Variants in CCDC192 observed in about 807,000 individuals in gnomAD.
The protein encoded by CCDC192 is coiled-coil domain containing 192, also known as coiled-coil domain-containing protein 192.
In CCDC192 at chr5:127,821,437, G is replaced by T. The variant is rs531238260; in HGVS notation, c.411+23275G>T. 3.9e-5 allele frequency among the ~76,000 whole-genome samples: 6 copies of T among 152,312 alleles called. No individual in the cohort carries two copies. The East Asian group carries it at 1.2e-3, about 29-fold the overall frequency. ...ATCCAAAAAGTCATCCCAGACCTCT[G>T]CCTTGATCCAAAGTTGACAAGAGAC... On this transcript the variant is annotated intron_variant, in intron 5 of 6. Coordinates refer to ENST00000514853, the MANE Select transcript of CCDC192 (RefSeq NM_001317938.2).
At chr5:127,707,406 C>CT (rs11389024) in intron 1 of CCDC192, among the ~76,000 whole-genome samples, 99,347 of 147,214 alleles carry the variant, frequency 0.67, 33,371 homozygotes, top group African/African-American at 0.74. Flanking sequence ...CCTCTCCCCA[C>CT]TTTTTTTTTT....
chr5:127,721,215 T>TGCTC (rs1752003737), intron 2 of CCDC192, among the ~76,000 whole-genome samples: 1 of 152,240 alleles, frequency 6.6e-6, no homozygotes, highest in Admixed American at 6.5e-5. Context: ...ACCATTTCTT[T>TGCTC]GCTCATGCAT....
Position 127,875,579 on chromosome 5 carries a change from T to C in CCDC192, c.453T>C (p.Asp151=). 2 of 398,752 alleles carry C rather than the reference T, an allele frequency of 5.0e-6. No individual in the cohort carries two copies. The highest frequency in any genetic ancestry group is 3.6e-5 in the East Asian group (1 of 28,064). 24.7% of individuals were successfully genotyped at this position (398,752 alleles called of 1,614,324 possible). A position where few individuals can be genotyped will look rare whatever the true frequency, so the allele number is the denominator to read the frequency against. Residue 151 remains aspartate, a synonymous_variant, in exon 6 of 7, where the codon GAT becomes GAC. Coordinates refer to ENST00000514853, the MANE Select transcript of CCDC192 (RefSeq NM_001317938.2). ...HEKKVKKLQT[D]LATANAITVL... ...AGAAAGTGAAAAAACTACAGACTGA[T>C]TTGGCAACAGCTAATGCCATCACAG...
At chr5:127,934,550 A>G (rs1335466496) in intron 6 of CCDC192, among the ~76,000 whole-genome samples, 2 of 152,176 alleles carry the variant, frequency 1.3e-5, no homozygotes, top group Non-Finnish European at 2.9e-5. Flanking sequence ...GGCACTATAG[A>G]TTGGTCTCTT....
intron 6 of CCDC192, among the ~76,000 whole-genome samples, chr5:127,937,519 C>T (rs923124173): frequency 1.3e-5 from 2 of 152,150 alleles, no homozygotes; most frequent in Non-Finnish European, 2.9e-5. Flanking sequence ...TAAAGGTGGC[C>T]AGGAAGAGAG....
chr5:127,828,585 T>C (rs1200282250), intron 5 of CCDC192, among the ~76,000 whole-genome samples: 1 of 152,186 alleles, frequency 6.6e-6, no homozygotes, highest in Non-Finnish European at 1.5e-5. Context: ...GAGGACATCA[T>C]TAAATTAACA....
chr5:127,856,151 A>T (rs1300086156), intron 5 of CCDC192, among the ~76,000 whole-genome samples: 3 of 152,232 alleles, frequency 2.0e-5, no homozygotes, highest in East Asian at 3.8e-4. Context: ...TGTTTAGTGT[A>T]GCCACTTTAA....
chr5:127,731,679 C>T (rs1400382196), intron 2 of CCDC192, among the ~76,000 whole-genome samples: 3 of 152,002 alleles, frequency 2.0e-5, no homozygotes, highest in African/African-American at 4.8e-5. Context: ...CATAGACCAA[C>T]GGAACAGAAT....
intron 3 of CCDC192, among the ~76,000 whole-genome samples, chr5:127,794,099 A>C (rs1027646367): frequency 1.3e-5 from 2 of 151,928 alleles, no homozygotes; most frequent in Non-Finnish European, 2.9e-5. Flanking sequence ...TCTCCAAATC[A>C]CTCTCCAATT....
chr5:127,830,785 T>C (rs1039040281), intron 5 of CCDC192, among the ~76,000 whole-genome samples: 1 of 149,702 alleles, frequency 6.7e-6, no homozygotes, highest in African/African-American at 2.4e-5. Flanking sequence ...AACAGGAAAG[T>C]TTCCTTCTAC....
rs574723369 is a variant in CCDC192, at chr5:127,764,822, G to GC, written c.222+10449dup. Among the ~76,000 whole-genome samples the GC allele has an allele frequency of 2.5e-3, 382 of 152,256 alleles. 4 individuals are homozygous for GC. Among genetic ancestry groups the GC allele is most frequent in the African/African-American group, 8.8e-3 (365 of 41,552 alleles). ...TGGGCCACATTCCATGCCATCCTGG[G>GC]CCACATGTGGCCCACGGGCTGCAGG... On this transcript the variant is annotated intron_variant, in intron 3 of 6. Transcript: ENST00000514853.
intron 3 of CCDC192, among the ~76,000 whole-genome samples, chr5:127,781,110 T>C (rs1425782422): frequency 6.6e-6 from 1 of 152,238 alleles, no homozygotes; most frequent in Non-Finnish European, 1.5e-5. Context: ...TTTATGTTTT[T>C]GTTTGCTTTG....
At chr5:127,856,593 T>C (rs796547146) in intron 5 of CCDC192, among the ~76,000 whole-genome samples, 2 of 152,222 alleles carry the variant, frequency 1.3e-5, no homozygotes, top group African/African-American at 4.8e-5. Flanking sequence ...CAACATGCCT[T>C]CCTCACTAAG....
intron 2 of CCDC192, among the ~76,000 whole-genome samples, chr5:127,737,063 A>G (rs1027067601): frequency 1.3e-5 from 2 of 150,998 alleles, no homozygotes; most frequent in African/African-American, 4.9e-5. Flanking sequence ...TCTTGTGGGC[A>G]TTTACTGCTA....
intron 2 of CCDC192, among the ~76,000 whole-genome samples, chr5:127,729,641 G>C (rs1470014232): frequency 1.3e-5 from 2 of 152,140 alleles, no homozygotes; most frequent in East Asian, 3.9e-4. Context: ...CTCAGCAAAT[G>C]AAAACGAACT....
intron 2 of CCDC192, among the ~76,000 whole-genome samples, chr5:127,717,928 C>CAAAAAAAAAAAAAAAAAAAGAAAAAAA: frequency 1.0e-5 from 1 of 98,064 alleles, no homozygotes; most frequent in Non-Finnish European, 2.0e-5. Flanking sequence ...TAAAGCTAGA[C>CAAAAAAAAAAAAAAAAAAAGAAAAAAA]AAAAAAAAAA....
chr5:127,891,994 C>A (rs527718741), intron 6 of CCDC192, among the ~76,000 whole-genome samples: 1 of 152,154 alleles, frequency 6.6e-6, no homozygotes, highest in Admixed American at 6.5e-5. Context: ...GTACTGCTGC[C>A]TTGCATAAAG....
intron 2 of CCDC192, among the ~76,000 whole-genome samples, chr5:127,725,116 A>G (rs1266065953): frequency 6.6e-6 from 1 of 152,222 alleles, no homozygotes; most frequent in African/African-American, 2.4e-5. Flanking sequence ...ATAAAAGATA[A>G]AAGAATATTG....
rs542086091 is a variant in CCDC192 at position 127,937,292 on chromosome 5, C to T, written c.536-3890C>T. ...ACTCTACCCCTTTTCTGACTGTCCT[C>T]TTCTTGTGCTATGGACTGAATTATG... On this transcript the variant is annotated intron_variant, in intron 6 of 6. Coordinates refer to ENST00000514853, the MANE Select transcript of CCDC192 (RefSeq NM_001317938.2). Among the ~76,000 whole-genome samples, 8 of 150,846 alleles carry T rather than the reference C, an allele frequency of 5.3e-5. No homozygotes were observed. The South Asian group carries it at 1.7e-3, about 31-fold the overall frequency.
Sources: allele counts gnomAD v4.1 joint callset (sites outside exome capture counted in the v4.1 genomes callset), GRCh38; gene constraint gnomAD v4.1.1; transcripts MANE v1.5; gene names NCBI Gene and HGNC (gene_info 2026-07-23, HGNC 2026-07-21).